Variants in PRKG1 observed in about 807,000 individuals in gnomAD.
The protein encoded by PRKG1 is protein kinase cGMP-dependent 1, also known as cGMP-dependent protein kinase 1.
Under a neutral mutation model 88.1 loss-of-function variants are expected in PRKG1, and 35 were observed. That is an observed-to-expected ratio of 0.40 (90% CI 0.30 to 0.53). The LOEUF is 0.53. PRKG1 is among the 20% of genes least tolerant of loss of function. PRKG1 has a pLI of 0.59. For missense variants in PRKG1, 540 were observed against 839.8 expected, an observed-to-expected ratio of 0.64 and a Z score of 4.41; for synonymous variants, 303 against 292.5, an observed-to-expected ratio of 1.04 and a Z score of -0.37.
At chr10:51,791,709 A>T (rs1240996529) in intron 3 of PRKG1, among the ~76,000 whole-genome samples, 2 of 152,126 alleles carry the variant, frequency 1.3e-5, no homozygotes, top group African/African-American at 4.8e-5. Context: ...GTCACTAAGG[A>T]GACACAATCA....
At chr10:51,560,187 T>G (rs935390777) in intron 3 of PRKG1, among the ~76,000 whole-genome samples, 4 of 152,222 alleles carry the variant, frequency 2.6e-5, no homozygotes, top group Admixed American at 1.3e-4. Flanking sequence ...GTGGGTAGGT[T>G]GTGTTTTTTT....
chr10:51,863,467 C>A (rs1161658543), intron 4 of PRKG1, among the ~76,000 whole-genome samples: 2 of 152,166 alleles, frequency 1.3e-5, no homozygotes, highest in Admixed American at 6.6e-5. Flanking sequence ...CCAATCTCAA[C>A]CTCCTCTTTA....
chr10:51,519,318 T>C (rs539247119), intron 3 of PRKG1, among the ~76,000 whole-genome samples: 2 of 152,294 alleles, frequency 1.3e-5, no homozygotes, highest in Admixed American at 6.5e-5. Flanking sequence ...ATATTTCCCA[T>C]ATTTTATAGA....
chr10:51,326,544 AT>A (rs1841597557), intron 2 of PRKG1, among the ~76,000 whole-genome samples: 1 of 152,244 alleles, frequency 6.6e-6, no homozygotes, highest in African/African-American at 2.4e-5. Context: ...TACCCAAGTA[AT>A]TACTCCAGAG....
intron 5 of PRKG1, among the ~76,000 whole-genome samples, chr10:52,000,953 A>G (rs1275454277): frequency 6.6e-6 from 1 of 151,984 alleles, no homozygotes; most frequent in Non-Finnish European, 1.5e-5. Flanking sequence ...AATGACTTCA[A>G]TTTTTTGAGT....
At chr10:51,830,815 G>A (rs1839988121) in intron 4 of PRKG1, among the ~76,000 whole-genome samples, 1 of 151,904 alleles carries the variant, frequency 6.6e-6, no homozygotes, top group East Asian at 1.9e-4. Flanking sequence ...ACCCTCCTGG[G>A]CCCCCCAAAG....
At chr10:52,064,227 T>C (rs1455232233) in intron 7 of PRKG1, among the ~76,000 whole-genome samples, 3 of 152,110 alleles carry the variant, frequency 2.0e-5, no homozygotes, top group South Asian at 2.1e-4. Flanking sequence ...CCTATGCTCA[T>C]TGGCACCCAA....
chr10:52,291,904 T>TCCAGCA, intron 17 of PRKG1, among the ~76,000 whole-genome samples: 1 of 152,110 alleles, frequency 6.6e-6, no homozygotes, highest in Non-Finnish European at 1.5e-5. Context: ...CCACATCCTC[T>TCCAGCA]CCAGCACCTG....
At chr10:52,228,036 T>C (rs543247739) in intron 9 of PRKG1, among the ~76,000 whole-genome samples, 1 of 152,280 alleles carries the variant, frequency 6.6e-6, no homozygotes, top group South Asian at 2.1e-4. Context: ...TCTTAGAAAA[T>C]CTAAAGCAGG....
At chr10:52,122,178 C>T (rs1462987351) in intron 7 of PRKG1, among the ~76,000 whole-genome samples, 1 of 152,162 alleles carries the variant, frequency 6.6e-6, no homozygotes, top group Non-Finnish European at 1.5e-5. Flanking sequence ...GGCAAGAAAG[C>T]GTGTGCACAC....
chr10:51,429,607 C>T (rs566563796), intron 2 of PRKG1, among the ~76,000 whole-genome samples: 179 of 152,070 alleles, frequency 1.2e-3, no homozygotes, highest in African/African-American at 4.2e-3. Context: ...AGCAATGACT[C>T]ATTAAATAGA....
intron 1 of PRKG1, among the ~76,000 whole-genome samples, chr10:51,114,165 C>T (rs1236468825): frequency 6.6e-6 from 1 of 152,082 alleles, no homozygotes; most frequent in African/African-American, 2.4e-5. Context: ...AGTCAAACTT[C>T]CTTTAATACT....
intron 1 of PRKG1, among the ~76,000 whole-genome samples, chr10:51,144,839 G>T (rs1010273454): frequency 1.1e-4 from 17 of 152,086 alleles, no homozygotes; most frequent in African/African-American, 3.9e-4. Context: ...GGAATTAAGT[G>T]AATTGAGTAA....
At chr10:52,131,282 G>A (rs1019155956) in intron 7 of PRKG1, among the ~76,000 whole-genome samples, 7 of 152,124 alleles carry the variant, frequency 4.6e-5, no homozygotes, top group Non-Finnish European at 1.0e-4. Flanking sequence ...GGAAGACAGA[G>A]TTATTAAACA....
At chr10:51,321,929 A>G (rs946746224) in intron 2 of PRKG1, among the ~76,000 whole-genome samples, 5 of 152,326 alleles carry the variant, frequency 3.3e-5, no homozygotes, top group Admixed American at 6.5e-5. Context: ...AATAAATGCT[A>G]GTAAACCACA....
intron 5 of PRKG1, among the ~76,000 whole-genome samples, chr10:52,005,198 A>G (rs1472314651): frequency 2.6e-5 from 4 of 151,342 alleles, no homozygotes; most frequent in Non-Finnish European, 5.9e-5. Flanking sequence ...GGCATTTGTG[A>G]CTTATACAAT....
intron 3 of PRKG1, among the ~76,000 whole-genome samples, chr10:51,481,213 GTTCC>G (rs1262946258): frequency 9.6e-6 from 1 of 103,864 alleles, no homozygotes; most frequent in Non-Finnish European, 1.9e-5. Flanking sequence ...CCCTCCTTTC[GTTCC>G]TTCCTTCCTT....
intron 3 of PRKG1, among the ~76,000 whole-genome samples, chr10:51,500,745 G>A (rs1374572040): frequency 6.6e-6 from 1 of 152,116 alleles, no homozygotes; most frequent in Non-Finnish European, 1.5e-5. Context: ...ACTTCATGTG[G>A]TCCTGGAGGA....
chr10:52,150,007 G>T (rs1050361326), intron 8 of PRKG1, among the ~76,000 whole-genome samples: 6 of 151,894 alleles, frequency 4.0e-5, no homozygotes, highest in Middle Eastern at 6.8e-3. Context: ...ACTTAGCTGG[G>T]CATGGTGGTG....
Sources: gnomAD v4.1 joint callset for allele counts (sites outside exome capture counted in the v4.1 genomes callset) on GRCh38, gnomAD v4.1.1 for gene constraint, MANE v1.5 for transcripts, NCBI Gene and HGNC (gene_info 2026-07-23, HGNC 2026-07-21) for gene names.